DIP2C: variants seen among roughly 807,000 people sequenced by gnomAD.
DIP2C encodes the protein DIP2 acetate--CoA ligase C (putative), also known as disco-interacting protein 2 homolog C.
In DIP2C, 33 loss-of-function variants were observed where a neutral mutation model predicts 192.4. That is an observed-to-expected ratio of 0.17 (90% CI 0.13 to 0.23). The LOEUF is 0.23. Ranked by LOEUF, DIP2C falls within the 10% of genes least tolerant of loss-of-function variation. The pLI, the probability that DIP2C is intolerant of heterozygous loss-of-function variation, is 1.00. For missense variants in DIP2C, 1,537 were observed against 2,110.1 expected (o/e 0.73, Z 5.32); for synonymous variants, 979 against 864.1 (o/e 1.13, Z -2.33).
intron 17 of DIP2C, among the ~76,000 whole-genome samples, chr10:379,818 C>A (rs568982905): frequency 1.3e-5 from 2 of 152,262 alleles, no homozygotes; most frequent in Non-Finnish European, 2.9e-5. Context: ...TGCTTTGATA[C>A]CAGGAGCAGG....
At chr10:476,109 G>C (rs1201508733) in intron 2 of DIP2C, among the ~76,000 whole-genome samples, 1 of 152,202 alleles carries the variant, frequency 6.6e-6, no homozygotes, top group Non-Finnish European at 1.5e-5. Flanking sequence ...TCAGGGGAGA[G>C]AGGCCGGCAT....
At chr10:382,888 T>C (rs1407257054) in intron 16 of DIP2C, 127 bp from the exon 17 acceptor site, 1 of 530,604 alleles carries the variant, frequency 1.9e-6, no homozygotes, top group African/African-American at 1.9e-5. Flanking sequence ...TGGAAAAATA[T>C]TTAATACAAT....
At chr10:388,569 C>T (rs536711798) in intron 13 of DIP2C, among the ~76,000 whole-genome samples, 28 of 149,352 alleles carry the variant, frequency 1.9e-4, no homozygotes, top group African/African-American at 6.4e-4. Context: ...AAGTAAAGAG[C>T]GAACGTATCA....
rs186895689 is a variant in DIP2C, at chr10:444,544, T to G, written c.269-3548A>C. Among the ~76,000 whole-genome samples, 186 of 152,118 alleles carry G rather than the reference T, an allele frequency of 1.2e-3. 1 individual carries two copies. Among genetic ancestry groups the G allele is most frequent in the Non-Finnish European group, 2.3e-3 (157 of 68,004 alleles). The stretch of plus-strand genomic sequence containing the variant: ...TTGGTGCTCTTCCGTCACCCGAGAC[T>G]TGTGTAGATTCTCCACCGTCACATG... On this transcript the variant is annotated intron_variant, in intron 3 of 36. Transcript: ENST00000280886.
At chr10:576,068 G>A (rs545993933) in intron 1 of DIP2C, among the ~76,000 whole-genome samples, 47 of 152,328 alleles carry the variant, frequency 3.1e-4, no homozygotes, top group Middle Eastern at 3.4e-3. Flanking sequence ...ACCTTTGTCC[G>A]GGAGAAGCAA....
At chr10:414,731 G>A (rs1157208727) in intron 7 of DIP2C, among the ~76,000 whole-genome samples, 1,735 of 63,804 alleles carry the variant, frequency 0.027, 85 homozygotes, top group African/African-American at 0.095. Context: ...GTGTGTGTGT[G>A]TGTGTGTGTA....
chr10:647,021 T>C (rs1346781843), intron 1 of DIP2C, among the ~76,000 whole-genome samples: 2 of 152,216 alleles, frequency 1.3e-5, no homozygotes, highest in African/African-American at 4.8e-5. Context: ...AGAGGGAAAC[T>C]GAGTCCATGT....
At chr10:309,354 C>A (rs530937221) in intron 32 of DIP2C, among the ~76,000 whole-genome samples, 1 of 152,168 alleles carries the variant, frequency 6.6e-6, no homozygotes, top group South Asian at 2.1e-4. Flanking sequence ...GACCCCTAAC[C>A]CCTATTTCAA....
At chr10:593,567 C>T (rs1251812317) in intron 1 of DIP2C, among the ~76,000 whole-genome samples, 3 of 149,852 alleles carry the variant, frequency 2.0e-5, no homozygotes, top group South Asian at 2.1e-4. Context: ...CAACCCTCTC[C>T]AGCAGAGGCA....
At chr10:325,284 A>G (rs1957225912) in intron 31 of DIP2C, among the ~76,000 whole-genome samples, 1 of 152,280 alleles carries the variant, frequency 6.6e-6, no homozygotes, top group Non-Finnish European at 1.5e-5. Flanking sequence ...CAAACAAAAA[A>G]AAAACATTTT....
chr10:657,038 T>C (rs1368427114), intron 1 of DIP2C, among the ~76,000 whole-genome samples: 1 of 150,398 alleles, frequency 6.6e-6, no homozygotes, highest in African/African-American at 2.5e-5. Context: ...GAAAGTTGGC[T>C]GGACCTGCCA....
At chr10:462,972 C>A (rs1969915339) in intron 3 of DIP2C, among the ~76,000 whole-genome samples, 1 of 152,176 alleles carries the variant, frequency 6.6e-6, no homozygotes, top group African/African-American at 2.4e-5. Flanking sequence ...AGCATCCCTT[C>A]ATGCTAAAAA....
At chr10:622,217 G>A (rs1358432406) in intron 1 of DIP2C, among the ~76,000 whole-genome samples, 1 of 147,508 alleles carries the variant, frequency 6.8e-6, no homozygotes, top group Admixed American at 6.7e-5. Context: ...GAAGATTCCA[G>A]AAGTCTCTTC....
chr10:593,543 GCTGCC>G (rs1235323416), intron 1 of DIP2C, among the ~76,000 whole-genome samples: 1 of 132,308 alleles, frequency 7.6e-6, no homozygotes, highest in Non-Finnish European at 1.5e-5. Context: ...CTCGTGGAAG[GCTGCC>G]CTGACTTCCA....
chr10:615,999 G>A (rs1853448350), intron 1 of DIP2C, among the ~76,000 whole-genome samples: 2 of 152,146 alleles, frequency 1.3e-5, no homozygotes, highest in Non-Finnish European at 2.9e-5. Context: ...ACTCAGTGCT[G>A]CATTTTTCCA....
At chr10:519,589 G>C (rs1348192679) in intron 1 of DIP2C, among the ~76,000 whole-genome samples, 1 of 152,230 alleles carries the variant, frequency 6.6e-6, no homozygotes, top group Non-Finnish European at 1.5e-5. Flanking sequence ...TGGGAAGAGG[G>C]CCGTTTCAGA....
chr10:409,467 AAAGC>A (rs1965038140), intron 8 of DIP2C, among the ~76,000 whole-genome samples: 1 of 152,204 alleles, frequency 6.6e-6, no homozygotes, highest in East Asian at 1.9e-4. Flanking sequence ...AAGAGGAGTA[AAAGC>A]AATGACTCCA....
At chr10:567,694 G>A (rs1460184884) in intron 1 of DIP2C, among the ~76,000 whole-genome samples, 1 of 152,202 alleles carries the variant, frequency 6.6e-6, no homozygotes, top group African/African-American at 2.4e-5. Flanking sequence ...CTGGAATGCA[G>A]TGGTGTGATC....
chr10:542,740 T>C (rs562907887), intron 1 of DIP2C, among the ~76,000 whole-genome samples: 8 of 150,402 alleles, frequency 5.3e-5, no homozygotes, highest in African/African-American at 1.7e-4. Context: ...TCTTATCGGA[T>C]TGGGGAGTGG....
Sources: gnomAD v4.1 joint callset for allele counts (sites outside exome capture counted in the v4.1 genomes callset) on GRCh38, gnomAD v4.1.1 for gene constraint, MANE v1.5 for transcripts, NCBI Gene and HGNC (gene_info 2026-07-23, HGNC 2026-07-21) for gene names.